Variants in TIAM1 observed in about 807,000 individuals in gnomAD.
TIAM1 encodes the protein TIAM Rac1 associated GEF 1, also known as rho guanine nucleotide exchange factor TIAM1.
In TIAM1, 65 loss-of-function variants were observed where a neutral mutation model predicts 163.5. The observed-to-expected ratio is 0.40, with a 90% confidence interval of 0.33 to 0.49. The LOEUF (loss-of-function observed/expected upper bound fraction) is 0.49, where lower values mean the gene tolerates loss of function less well. TIAM1 is among the 20% of genes least tolerant of loss of function. The pLI, the probability that TIAM1 is intolerant of heterozygous loss-of-function variation, is 0.77. For synonymous variants in TIAM1, 833 were observed against 810.1 expected (o/e 1.03, Z -0.48); for missense variants, 1,789 against 2,044.7 (o/e 0.87, Z 2.41).
chr21:31,278,219 A>G (rs16988061), intron 2 of TIAM1, among the ~76,000 whole-genome samples: 7,871 of 152,340 alleles, frequency 0.052, 472 homozygotes, highest in African/African-American at 0.15. Flanking sequence ...CATTGTATAC[A>G]CGTTTTCTTA....
At chr21:31,132,236 C>T (rs1179515316) in intron 23 of TIAM1, among the ~76,000 whole-genome samples, 1 of 152,194 alleles carries the variant, frequency 6.6e-6, no homozygotes, top group African/African-American at 2.4e-5. Context: ...GCAGGTCGGT[C>T]TTGTCTCCTC....
At chr21:31,243,838 GA>G (rs1177795714) in intron 6 of TIAM1, among the ~76,000 whole-genome samples, 3 of 152,138 alleles carry the variant, frequency 2.0e-5, no homozygotes, top group African/African-American at 7.2e-5. Context: ...TCAAAGCACT[GA>G]AATAAGATGG....
chr21:31,378,563 C>T (rs1450742498), intron 2 of TIAM1, among the ~76,000 whole-genome samples: 2 of 152,188 alleles, frequency 1.3e-5, no homozygotes, highest in Non-Finnish European at 1.5e-5. Context: ...TCCCTGCTCT[C>T]CAAAGGGCAT....
At chr21:31,384,401 C>CAAAAAA (rs5843516) in intron 2 of TIAM1, among the ~76,000 whole-genome samples, 2 of 107,860 alleles carry the variant, frequency 1.9e-5, no homozygotes, top group Non-Finnish European at 3.7e-5. Flanking sequence ...CCCATCTCTA[C>CAAAAAA]AAAAAAAAAA....
chr21:31,396,821 G>A (rs1462216412), intron 2 of TIAM1, among the ~76,000 whole-genome samples: 1 of 151,808 alleles, frequency 6.6e-6, no homozygotes, highest in East Asian at 1.9e-4. Flanking sequence ...CCTGGTAGCA[G>A]ATGCCTGTAA....
chr21:31,500,658 G>A (rs2046818833), intron 1 of TIAM1, among the ~76,000 whole-genome samples: 1 of 152,170 alleles, frequency 6.6e-6, no homozygotes, highest in Non-Finnish European at 1.5e-5. Flanking sequence ...AGGACAAGGA[G>A]AGACAGAGAC....
chr21:31,150,772 G>A (rs1426780281), intron 19 of TIAM1, among the ~76,000 whole-genome samples: 1 of 152,014 alleles, frequency 6.6e-6, no homozygotes. Flanking sequence ...TCTGTGAAGG[G>A]CACTGTCAAG....
chr21:31,355,324 G>C (rs1465540426), intron 2 of TIAM1, among the ~76,000 whole-genome samples: 1 of 151,944 alleles, frequency 6.6e-6, no homozygotes, highest in Non-Finnish European at 1.5e-5. Flanking sequence ...TTTTCTTAAG[G>C]ATAGTGGCCA....
intron 1 of TIAM1, among the ~76,000 whole-genome samples, chr21:31,488,137 G>A (rs1394599298): frequency 6.6e-6 from 1 of 152,228 alleles, no homozygotes; most frequent in Non-Finnish European, 1.5e-5. Flanking sequence ...CACAGCAGAG[G>A]GAGGGCATGT....
chr21:31,210,707 GAA>G (rs2086793072), intron 10 of TIAM1, among the ~76,000 whole-genome samples: 1 of 102,104 alleles, frequency 9.8e-6, no homozygotes, highest in Admixed American at 1.0e-4. Flanking sequence ...GAAAGAAAGA[GAA>G]AGAAAGAGAA....
At chr21:31,406,682 T>C (rs2077252904) in intron 2 of TIAM1, among the ~76,000 whole-genome samples, 1 of 152,182 alleles carries the variant, frequency 6.6e-6, no homozygotes. Context: ...ACCATGCTGG[T>C]GCCACCAGCC....
intron 2 of TIAM1, among the ~76,000 whole-genome samples, chr21:31,390,774 T>C (rs182283893): frequency 6.6e-6 from 1 of 152,352 alleles, no homozygotes; most frequent in Admixed American, 6.5e-5. Flanking sequence ...GAAACACTGA[T>C]GTTCACCCAT....
chr21:31,537,144 T>C (rs945719757), intron 1 of TIAM1, among the ~76,000 whole-genome samples: 5 of 152,214 alleles, frequency 3.3e-5, no homozygotes, highest in South Asian at 2.1e-4. Context: ...CCATTGGATC[T>C]GGGGTCCACT....
At chr21:31,327,842 T>TA (rs1387542512) in intron 2 of TIAM1, among the ~76,000 whole-genome samples, 1 of 152,032 alleles carries the variant, frequency 6.6e-6, no homozygotes, top group Non-Finnish European at 1.5e-5. Context: ...AAATGGTGCG[T>TA]AGTCTCCTCC....
At chr21:31,355,898 C>A (rs933568109) in intron 2 of TIAM1, among the ~76,000 whole-genome samples, 1 of 152,126 alleles carries the variant, frequency 6.6e-6, no homozygotes, top group African/African-American at 2.4e-5. Flanking sequence ...TTATTTTACT[C>A]TTTTTCTTGT....
rs117635171 is a variant in TIAM1, at chr21:31,165,174, T to C, written c.2888-109A>G. 3,799 of 867,556 alleles carry C rather than the reference T, an allele frequency of 4.4e-3. 24 individuals carry two copies. Among genetic ancestry groups the C allele is most frequent in the Middle Eastern group, 0.019 (70 of 3,758 alleles). The allele number at this position is 867,556 out of a possible 1,614,324, so 53.7% of individuals were successfully genotyped here. A position where few individuals can be genotyped will look rare whatever the true frequency, so the allele number is the denominator to read the frequency against. On this transcript the variant is annotated intron_variant, in intron 15 of 27. Coordinates refer to ENST00000541036, the MANE Select transcript of TIAM1 (RefSeq NM_001353694.2). ...TCTCGCTCATGACATGTACATATAC[T>C]GTAAGACCCTCCAAGTACAAGCTCC...
At chr21:31,533,951 C>T (rs375957122) in intron 1 of TIAM1, among the ~76,000 whole-genome samples, 18 of 152,272 alleles carry the variant, frequency 1.2e-4, no homozygotes, top group African/African-American at 4.1e-4. Flanking sequence ...ACGAGGGATT[C>T]GGGATCTCTT....
chr21:31,494,062 G>A (rs540378950), intron 1 of TIAM1, among the ~76,000 whole-genome samples: 1 of 152,264 alleles, frequency 6.6e-6, no homozygotes, highest in African/African-American at 2.4e-5. Context: ...TTACAGGCAT[G>A]TGCCACTACG....
intron 10 of TIAM1, 149 bp from the exon 11 acceptor site, chr21:31,210,364 G>T: frequency 2.6e-6 from 2 of 774,506 alleles, no homozygotes; most frequent in Non-Finnish European, 4.1e-6. Flanking sequence ...AACCCTTGGA[G>T]AGAGAGAAAC....
Sources: allele counts gnomAD v4.1 joint callset (sites outside exome capture counted in the v4.1 genomes callset), GRCh38; gene constraint gnomAD v4.1.1; transcripts MANE v1.5; gene names NCBI Gene and HGNC (gene_info 2026-07-23, HGNC 2026-07-21).